Variants in FBXW8 observed in about 807,000 individuals in gnomAD.
FBXW8 encodes F-box/WD repeat-containing protein 8.
In FBXW8, 57 loss-of-function variants were observed where a neutral mutation model predicts 65.3. The observed-to-expected ratio is 0.87, with a 90% CI of 0.71 to 1.09. FBXW8 has a LOEUF of 1.09. Among genes scored for constraint, FBXW8 ranks in the 50% least tolerant of loss-of-function variants. FBXW8 has a pLI of 0.00. For missense variants in FBXW8, 777 were observed against 814.8 expected (o/e 0.95, Z 0.57); for synonymous variants, 308 against 330.2 (o/e 0.93, Z 0.73).
At chr12:117,014,288 T>C (rs974196125) in intron 8 of FBXW8, among the ~76,000 whole-genome samples, 1 of 152,218 alleles carries the variant, frequency 6.6e-6, no homozygotes, top group East Asian at 1.9e-4. Flanking sequence ...GTTTCTTTTT[T>C]TATATATAGT....
chr12:116,927,305 C>T lies in FBXW8; in HGVS notation c.319-718C>T, dbSNP rs118025725. Among the ~76,000 whole-genome samples the T allele has an allele frequency of 2.1e-4, 32 of 152,268 alleles. No homozygotes were observed. In the South Asian group the frequency reaches 4.4e-3, roughly 21 times the overall value. The stretch of plus-strand genomic sequence containing the variant: ...CTCTAATTGCTTATCCAAAGGCAGG[C>T]GAGCTCTGATTTCTCTGCATTAATA... On this transcript the variant is annotated intron_variant, in intron 1 of 10. Coordinates refer to ENST00000652555, the MANE Select transcript of FBXW8 (RefSeq NM_153348.3).
rs1386134165 is a variant in FBXW8, at chr12:117,029,803, G to A, written c.*1631G>A. On this transcript the variant is annotated 3_prime_UTR_variant, in exon 11 of 11. Transcript: ENST00000652555. ...TTTTACATTTTTAGTAGAGACGGGG[G>A]ATATTGCTATGTTGGCCAGGCTGGT... 6.6e-6 allele frequency: 1 copy of A among 151,844 alleles called. No individual in the cohort carries two copies. Among genetic ancestry groups the A allele is most frequent in the Non-Finnish European group, 1.5e-5 (1 of 68,002 alleles). 9.4% of individuals were successfully genotyped at this position (151,844 alleles called of 1,614,324 possible).
intron 7 of FBXW8, among the ~76,000 whole-genome samples, chr12:116,992,167 C>G (rs1286238081): frequency 6.6e-6 from 1 of 152,194 alleles, no homozygotes; most frequent in African/African-American, 2.4e-5. Flanking sequence ...GCTTATCTGT[C>G]TAATCTTTTT....
intron 8 of FBXW8, among the ~76,000 whole-genome samples, chr12:117,011,120 T>TTC (rs1276123564): frequency 7.8e-6 from 1 of 127,900 alleles, no homozygotes; most frequent in African/African-American, 4.0e-5. Context: ...CTTGTTTTTT[T>TTC]CTTTTCCTTT....
intron 5 of FBXW8, among the ~76,000 whole-genome samples, chr12:116,972,006 T>C (rs1189164274): frequency 6.6e-6 from 1 of 152,252 alleles, no homozygotes; most frequent in East Asian, 1.9e-4. Context: ...CTATGCATTT[T>C]TGAAGTTACT....
intron 1 of FBXW8, among the ~76,000 whole-genome samples, chr12:116,923,948 C>T (rs1165157520): frequency 6.6e-6 from 1 of 152,126 alleles, no homozygotes; most frequent in African/African-American, 2.4e-5. Context: ...CTCCTGACCT[C>T]GTGATCCGCC....
intron 7 of FBXW8, among the ~76,000 whole-genome samples, chr12:116,992,761 G>GGTGTAT (rs1555223677): frequency 7.0e-6 from 1 of 143,550 alleles, no homozygotes; most frequent in Non-Finnish European, 1.5e-5. Context: ...ATTATTCCAT[G>GGTGTAT]GTGTGTGTGT....
intron 1 of FBXW8, among the ~76,000 whole-genome samples, chr12:116,912,183 T>C (rs12308592): frequency 0.065 from 9,604 of 147,994 alleles, 873 homozygotes; most frequent in African/African-American, 0.2. Flanking sequence ...TTTTTTTTTT[T>C]TTTCTTTCTT....
At chr12:116,963,318 C>T (rs1180565410) in intron 4 of FBXW8, among the ~76,000 whole-genome samples, 1 of 152,068 alleles carries the variant, frequency 6.6e-6, no homozygotes, top group African/African-American at 2.4e-5. Context: ...TAAGAAATTC[C>T]ACCTGAGGCC....
intron 2 of FBXW8, among the ~76,000 whole-genome samples, chr12:116,943,560 A>G (rs1187453346): frequency 6.6e-6 from 1 of 152,162 alleles, no homozygotes; most frequent in Non-Finnish European, 1.5e-5. Flanking sequence ...TGCTCTCTGT[A>G]TATTGGGGTA....
intron 4 of FBXW8, among the ~76,000 whole-genome samples, chr12:116,964,165 G>A (rs1884164001): frequency 6.6e-6 from 1 of 152,186 alleles, no homozygotes; most frequent in African/African-American, 2.4e-5. Context: ...GGCTGCTAAA[G>A]GCAAGATTTA....
chr12:116,922,810 G>GT (rs140094596), intron 1 of FBXW8, among the ~76,000 whole-genome samples: 2,912 of 149,800 alleles, frequency 0.019, 84 homozygotes, highest in African/African-American at 0.061. Flanking sequence ...GTGTGTGTGT[G>GT]TGTTTTTTTT....
intron 7 of FBXW8, among the ~76,000 whole-genome samples, chr12:117,003,585 C>G (rs1565936959): frequency 6.6e-6 from 1 of 152,228 alleles, no homozygotes; most frequent in African/African-American, 2.4e-5. Flanking sequence ...GAATGATTTT[C>G]TGTCTCCCAA....
chr12:117,019,792 A>G (rs917011403), intron 8 of FBXW8, among the ~76,000 whole-genome samples: 7 of 152,188 alleles, frequency 4.6e-5, no homozygotes, highest in African/African-American at 2.4e-5. Flanking sequence ...GGCAGCGTCC[A>G]GAATAAAACA....
Position 117,029,891 on chromosome 12 carries a change from G to A in FBXW8, c.*1719G>A, listed in dbSNP as rs558133884. 5 of 151,656 alleles carry A rather than the reference G, an allele frequency of 3.3e-5. No individual in the cohort carries two copies. Among genetic ancestry groups the A allele is most frequent in the Non-Finnish European group, 5.9e-5 (4 of 67,970 alleles). 9.4% of individuals were successfully genotyped at this position (151,656 alleles called of 1,614,324 possible). On this transcript the variant is annotated 3_prime_UTR_variant, in exon 11 of 11. Coordinates refer to ENST00000652555, the MANE Select transcript of FBXW8 (RefSeq NM_153348.3). ...CTCCCAAAGTGCTGGGATTACAGGT[G>A]TAAGTCACTGTACCCAGCCCAAAAG...
chr12:116,922,234 T>C (rs1880966637), intron 1 of FBXW8, among the ~76,000 whole-genome samples: 1 of 152,102 alleles, frequency 6.6e-6, no homozygotes, highest in Non-Finnish European at 1.5e-5. Flanking sequence ...CAGACCTTTT[T>C]CCCCCAGCCA....
At chr12:117,021,558 A>T (rs1386477469) in intron 8 of FBXW8, among the ~76,000 whole-genome samples, 2 of 152,144 alleles carry the variant, frequency 1.3e-5, no homozygotes, top group Non-Finnish European at 2.9e-5. Flanking sequence ...TGATTGATAG[A>T]GCTCCAAGTT....
At position 117,010,512 on chromosome 12, in the gene FBXW8, A is replaced by G. The variant is rs539238917; in HGVS notation, c.1367+62A>G. The G allele has an allele frequency of 3.7e-6, 6 of 1,609,956 alleles. No individual in the cohort carries two copies. The African/African-American group carries it at 6.7e-5, about 18-fold the overall frequency. ...TGGCTTCTGCCAAGGCCCGGCCCCC[A>G]CTGCGCTGCTCACACTGCCCGGTTC... On this transcript the variant is annotated intron_variant, in intron 8 of 10. Transcript: ENST00000652555.
rs181671267 is a variant in FBXW8, at chr12:117,003,357, C to T, written c.1240-6966C>T. Among the ~76,000 whole-genome samples, 26 of 152,304 alleles carry T rather than the reference C, an allele frequency of 1.7e-4. 1 individual carries two copies. The South Asian group carries it at 3.5e-3, about 21-fold the overall frequency. ...GAGCTTCTGTTCCTTCCAGACAGTG[C>T]GGGGGGCGCACCCTGGGCATCTGGC... On this transcript the variant is annotated intron_variant, in intron 7 of 10. Coordinates refer to ENST00000652555, the MANE Select transcript of FBXW8 (RefSeq NM_153348.3).
Sources: allele counts gnomAD v4.1 joint callset (sites outside exome capture counted in the v4.1 genomes callset), GRCh38; gene constraint gnomAD v4.1.1; transcripts MANE v1.5; gene names NCBI Gene and HGNC (gene_info 2026-07-23, HGNC 2026-07-21).